CNBD1: variants seen among roughly 807,000 people sequenced by gnomAD.
The protein encoded by CNBD1 is cyclic nucleotide-binding domain-containing protein 1.
In CNBD1, 71 loss-of-function variants were observed where a neutral mutation model predicts 54.4. That is an observed-to-expected ratio of 1.30 (90% CI 1.08 to 1.59). The LOEUF is 1.59. Among genes scored for constraint, CNBD1 ranks in the 40% most tolerant of loss-of-function variants. The probability of loss-of-function intolerance (pLI) is 0.00; values close to 1 mark genes in which losing one functional copy is unlikely to be tolerated. For synonymous variants in CNBD1, 182 were observed against 170.7 expected (o/e 1.07, Z -0.51); for missense variants, 659 against 518.0 (o/e 1.27, Z -2.64).
chr8:87,186,378 A>C (rs1813475688), intron 4 of CNBD1, among the ~76,000 whole-genome samples: 1 of 152,114 alleles, frequency 6.6e-6, no homozygotes, highest in Non-Finnish European at 1.5e-5. Flanking sequence ...CTCTTTAGCC[A>C]ATCTAATCAA....
At chr8:86,978,786 A>G (rs1355414538) in intron 4 of CNBD1, among the ~76,000 whole-genome samples, 3 of 152,032 alleles carry the variant, frequency 2.0e-5, no homozygotes, top group Non-Finnish European at 4.4e-5. Context: ...CACCTGCCTC[A>G]GCCTCCCAAA....
chr8:87,410,392 G>A (rs750895815), intron 2 of CNBD1, among the ~76,000 whole-genome samples: 1 of 152,122 alleles, frequency 6.6e-6, no homozygotes, highest in African/African-American at 2.4e-5. Flanking sequence ...TACTATTCTG[G>A]ATGCCATTAA....
At chr8:86,877,774 T>A (rs1304568333) in intron 1 of CNBD1, among the ~76,000 whole-genome samples, 8 of 152,164 alleles carry the variant, frequency 5.3e-5, no homozygotes, top group Non-Finnish European at 8.8e-5. Context: ...TCTTTGAGCA[T>A]TTTTTGTCTA....
At chr8:87,233,364 C>A (rs141034149) in intron 5 of CNBD1, among the ~76,000 whole-genome samples, 1 of 152,054 alleles carries the variant, frequency 6.6e-6, no homozygotes, top group Non-Finnish European at 1.5e-5. Flanking sequence ...ATGAATATCA[C>A]GATAATGTGA....
At chr8:87,419,897 G>T (rs1436001333) in intron 2 of CNBD1, among the ~76,000 whole-genome samples, 2 of 150,384 alleles carry the variant, frequency 1.3e-5, no homozygotes, top group South Asian at 4.2e-4. Context: ...ATTGAAACCT[G>T]ATAAGGACTT....
chr8:86,975,584 G>A (rs1265604324), intron 4 of CNBD1, among the ~76,000 whole-genome samples: 1 of 151,926 alleles, frequency 6.6e-6, no homozygotes, highest in East Asian at 1.9e-4. Context: ...AGGCATAATA[G>A]TGTTCCATTT....
At chr8:87,114,062 C>A (rs1352107819) in intron 4 of CNBD1, among the ~76,000 whole-genome samples, 3 of 152,054 alleles carry the variant, frequency 2.0e-5, no homozygotes, top group African/African-American at 7.2e-5. Context: ...ATTATATATG[C>A]ATTAATCAAT....
At chr8:87,302,016 A>T (rs1397550274) in intron 8 of CNBD1, among the ~76,000 whole-genome samples, 3 of 152,212 alleles carry the variant, frequency 2.0e-5, no homozygotes, top group Admixed American at 6.5e-5. Flanking sequence ...AACCAAAAAA[A>T]GTCCAGGACC....
chr8:86,904,566 A>C (rs1055114262), intron 2 of CNBD1, among the ~76,000 whole-genome samples: 1 of 152,120 alleles, frequency 6.6e-6, no homozygotes. Flanking sequence ...TAAATGGATC[A>C]GAAATTTTTA....
chr8:86,937,535 C>A (rs1045461916), intron 3 of CNBD1, among the ~76,000 whole-genome samples: 4 of 152,218 alleles, frequency 2.6e-5, no homozygotes, highest in Non-Finnish European at 4.4e-5. Flanking sequence ...CTATGAGACT[C>A]TGAAATCTAG....
intron 8 of CNBD1, among the ~76,000 whole-genome samples, chr8:87,289,696 T>C (rs147066813): frequency 0.016 from 2,372 of 152,258 alleles, 41 homozygotes; most frequent in Middle Eastern, 0.075. Flanking sequence ...ATCATAATAA[T>C]AACAGTAATA....
At chr8:86,959,877 C>A (rs1209275280) in intron 4 of CNBD1, among the ~76,000 whole-genome samples, 1 of 152,194 alleles carries the variant, frequency 6.6e-6, no homozygotes, top group Non-Finnish European at 1.5e-5. Flanking sequence ...CATTCTCCAT[C>A]TAGCTGTGTT....
chr8:87,179,274 T>C (rs185393842), intron 4 of CNBD1, among the ~76,000 whole-genome samples: 14 of 152,324 alleles, frequency 9.2e-5, no homozygotes, highest in African/African-American at 3.1e-4. Context: ...TTGGAGTTAA[T>C]TGGAGATAAA....
intron 8 of CNBD1, among the ~76,000 whole-genome samples, chr8:87,340,368 G>T (rs1391073781): frequency 6.6e-6 from 1 of 152,094 alleles, no homozygotes; most frequent in Non-Finnish European, 1.5e-5. Flanking sequence ...TTCTGTGTCT[G>T]TATGGGTGTG....
At chr8:87,332,184 T>C (rs34239326) in intron 8 of CNBD1, among the ~76,000 whole-genome samples, 57,954 of 151,762 alleles carry the variant, frequency 0.38, 11,337 homozygotes, top group Middle Eastern at 0.45. Flanking sequence ...CCCGTCTCTA[T>C]TAAAAATACA....
intron 8 of CNBD1, among the ~76,000 whole-genome samples, chr8:87,298,174 T>A (rs1808916504): frequency 6.6e-6 from 1 of 151,974 alleles, no homozygotes; most frequent in Admixed American, 6.6e-5. Flanking sequence ...TGCTTTTTTT[T>A]ATTATAAAGG....
intron 2 of CNBD1, among the ~76,000 whole-genome samples, chr8:87,395,619 T>C (rs771818422): frequency 5.3e-5 from 8 of 151,892 alleles, no homozygotes; most frequent in Admixed American, 2.0e-4. Flanking sequence ...TAATGATCAT[T>C]CTCTCTAAAA....
intron 4 of CNBD1, among the ~76,000 whole-genome samples, chr8:87,095,134 G>A (rs1008967319): frequency 2.5e-4 from 38 of 152,222 alleles, no homozygotes; most frequent in African/African-American, 8.7e-4. Flanking sequence ...CACCTAAAGT[G>A]TGAAACCTTC....
At chr8:87,102,494 C>G (rs1356620581) in intron 4 of CNBD1, among the ~76,000 whole-genome samples, 1 of 152,156 alleles carries the variant, frequency 6.6e-6, no homozygotes, top group Non-Finnish European at 1.5e-5. Flanking sequence ...GGTAGCCATA[C>G]TATTAGGAGA....
Sources: gnomAD v4.1 joint callset for allele counts (sites outside exome capture counted in the v4.1 genomes callset) on GRCh38, gnomAD v4.1.1 for gene constraint, MANE v1.5 for transcripts, NCBI Gene and HGNC (gene_info 2026-07-23, HGNC 2026-07-21) for gene names.